Variants in ARHGEF18 observed in about 807,000 individuals in gnomAD.
The protein encoded by ARHGEF18 is rho guanine nucleotide exchange factor 18.
ARHGEF18 carries 93 observed loss-of-function variants against 155.7 expected under a neutral mutation model. The observed-to-expected ratio is 0.60, with a 90% CI of 0.50 to 0.71. ARHGEF18 has a LOEUF of 0.71. Ranked by LOEUF, ARHGEF18 falls within the 30% of genes least tolerant of loss-of-function variation. The probability of loss-of-function intolerance (pLI) is 0.00; values close to 1 mark genes in which losing one functional copy is unlikely to be tolerated. For synonymous variants in ARHGEF18, 742 were observed against 753.1 expected (o/e 0.99, Z 0.24); for missense variants, 1,593 against 1,816.1 (o/e 0.88, Z 2.23).
chr19:7,467,772 C>T (rs2145913488), intron 26 of ARHGEF18, 88 bp downstream of exon 26: 1 of 1,296,230 alleles, frequency 7.7e-7, no homozygotes, highest in Non-Finnish European at 1.0e-6. Context: ...ACAGGGTTCG[C>T]GGGTGCATGC....
chr19:7,421,213 G>A (rs1481515297), intron 10 of ARHGEF18, among the ~76,000 whole-genome samples: 1 of 152,168 alleles, frequency 6.6e-6, no homozygotes, highest in African/African-American at 2.4e-5. Flanking sequence ...TCAGGATTAT[G>A]TCTTTGACTG....
At chr19:7,418,124 C>T (rs1449726644) in intron 10 of ARHGEF18, among the ~76,000 whole-genome samples, 2 of 152,066 alleles carry the variant, frequency 1.3e-5, no homozygotes, top group African/African-American at 2.4e-5. Flanking sequence ...CCAGCAGCTA[C>T]GGAGGAAGTG....
Position 7,444,549 on chromosome 19 carries a change from C to T in ARHGEF18, c.1611+95C>T, listed in dbSNP as rs910202649. Reference sequence around the variant, plus strand: ...TTTCTGAGATAGGGTCTTGCCGTGTCGCCCAGGCTGGAGTGCAGTGGTGCA... The same window carrying T: ...TTTCTGAGATAGGGTCTTGCCGTGTTGCCCAGGCTGGAGTGCAGTGGTGCA... On this transcript the variant is annotated intron_variant, in intron 14 of 28. Transcript: ENST00000668164. This position sits in a 1 kb window ranked among gnomAD's most constrained non-coding sequence, Gnocchi z 4.7. 30 of 1,507,132 alleles carry T rather than the reference C, an allele frequency of 2.0e-5. No individual in the cohort carries two copies. The African/African-American group carries it at 2.9e-4, about 15-fold the overall frequency. 93.4% of individuals were successfully genotyped at this position (1,507,132 alleles called of 1,614,324 possible). A position where few individuals can be genotyped will look rare whatever the true frequency, so the allele number is the denominator to read the frequency against.
chr19:7,446,468 C>T (rs1016323196), intron 14 of ARHGEF18, among the ~76,000 whole-genome samples: 1 of 151,982 alleles, frequency 6.6e-6, no homozygotes, highest in Non-Finnish European at 1.5e-5. Context: ...GCTGGCCAGG[C>T]GCGGTGGCTC....
rs1568335649 is a variant in ARHGEF18, at chr19:7,440,077, CG to C, written c.968-264del. The C allele has an allele frequency of 3.2e-6, 5 of 1,550,498 alleles. No homozygotes were observed. The highest frequency in any genetic ancestry group is 1.7e-4 in the Middle Eastern group (1 of 5,860). Reference sequence around the variant, plus strand: ...GGCGCAGCCCAGCCTGGCGCCGCGCCGGGTCCCGGAGCCCCGGGCGCGAACA... The same window carrying C: ...GGCGCAGCCCAGCCTGGCGCCGCGCCGGTCCCGGAGCCCCGGGCGCGAACA... On this transcript the variant is annotated intron_variant, in intron 10 of 28. Transcript: ENST00000668164. This position sits in a 1 kb window ranked among gnomAD's most constrained non-coding sequence, Gnocchi z 5.4.
chr19:7,442,104 T>C, intron 13 of ARHGEF18, 52 bp downstream of exon 13: 1 of 1,591,998 alleles, frequency 6.3e-7, no homozygotes, highest in Non-Finnish European at 8.6e-7. Flanking sequence ...CTCTCTTCTC[T>C]GCTCCCTCCC....
chr19:7,415,442 A>G (rs1222281917), intron 10 of ARHGEF18, among the ~76,000 whole-genome samples: 1 of 151,032 alleles, frequency 6.6e-6, no homozygotes, highest in Non-Finnish European at 1.5e-5. Flanking sequence ...AACCCCTTCC[A>G]GTGTGCCCTG....
intron 10 of ARHGEF18, among the ~76,000 whole-genome samples, chr19:7,404,457 CTT>C (rs35583640): frequency 1.1e-3 from 122 of 115,278 alleles, no homozygotes; most frequent in Admixed American, 3.3e-3. Flanking sequence ...GGATCTCTCT[CTT>C]TTTTTTTTTT....
chr19:7,361,134 C>T (rs1437668787), intron 1 of ARHGEF18, among the ~76,000 whole-genome samples: 1 of 152,206 alleles, frequency 6.6e-6, no homozygotes, highest in Non-Finnish European at 1.5e-5. Flanking sequence ...CCATTTAAAG[C>T]ATACAATTCA....
In ARHGEF18 at chr19:7,462,500, G is replaced by A. The variant is rs1600531898; in HGVS notation, c.2635+166G>A. Among the ~76,000 whole-genome samples, 1 of 152,230 alleles carries A rather than the reference G, an allele frequency of 6.6e-6. No homozygotes were observed. The highest frequency in any genetic ancestry group is 2.4e-5 in the African/African-American group (1 of 41,466). On this transcript the variant is annotated intron_variant, in intron 21 of 28. Transcript: ENST00000668164. The surrounding 1 kb of genome is among the most constrained non-coding windows in gnomAD (Gnocchi z 4.4). ...CAGCACTGACCGCCCCCCGGTGCCT[G>A]TGAGAGCCAGAAGGGCCTTAGACAT...
At position 7,467,535 on chromosome 19, in the gene ARHGEF18, C is replaced by A. The variant is rs1170142107; in HGVS notation, c.3331C>A (p.Arg1111Ser). The change falls in exon 26 of 29, where the codon CGC (arginine) becomes AGC (serine). Residue 1111 changes from arginine to serine, a missense_variant. Physicochemically the swap from Arg to Ser is moderately radical, Grantham distance 110 (BLOSUM62 -1). Coordinates refer to ENST00000668164, the MANE Select transcript of ARHGEF18 (RefSeq NM_001367823.1). ...RLEQERAELE[R>S]QRQAYQHDLE... ...GGAGCAGGAGCGGGCCGAGCTGGAG[C>A]GCCAGCGCCAGGCCTACCAGCACGA... is the stretch of plus-strand genomic sequence containing the variant. The A allele has an allele frequency of 4.1e-6, 6 of 1,446,146 alleles. No individual in the cohort carries two copies. In the South Asian group the frequency reaches 8.3e-5, roughly 20 times the overall value. The allele number at this position is 1,446,146 out of a possible 1,614,324, so 89.6% of individuals were successfully genotyped here. A position where few individuals can be genotyped will look rare whatever the true frequency, so the allele number is the denominator to read the frequency against.
At chr19:7,420,701 G>T (rs1444640892) in intron 10 of ARHGEF18, among the ~76,000 whole-genome samples, 1 of 152,208 alleles carries the variant, frequency 6.6e-6, no homozygotes, top group Non-Finnish European at 1.5e-5. Context: ...AACTTTGATG[G>T]CAGGCAGCGA....
rs1331643276 is a variant in ARHGEF18 at position 7,463,516 on chromosome 19, C to G, written c.2636-302C>G. Among the ~76,000 whole-genome samples, 3 of 152,358 alleles carry G rather than the reference C, an allele frequency of 2.0e-5. No homozygotes were observed. The East Asian group carries it at 5.8e-4, about 29-fold the overall frequency. On this transcript the variant is annotated intron_variant, in intron 21 of 28. Coordinates refer to ENST00000668164, the MANE Select transcript of ARHGEF18 (RefSeq NM_001367823.1). The surrounding 1 kb of genome is among the most constrained non-coding windows in gnomAD (Gnocchi z 5.2). Reference sequence around the variant, plus strand: ...CAGGGCCACATCCAGCATTCGCCAGCCCCTGGCCCAGGGCGGCCTGGTGGA... The same window carrying G: ...CAGGGCCACATCCAGCATTCGCCAGGCCCTGGCCCAGGGCGGCCTGGTGGA...
intron 7 of ARHGEF18, among the ~76,000 whole-genome samples, chr19:7,379,721 A>G (rs905839474): frequency 2.0e-5 from 3 of 152,164 alleles, no homozygotes; most frequent in African/African-American, 7.2e-5. Flanking sequence ...AGACACTGCC[A>G]TCTGTTACAA....
downstream of ARHGEF18, among the ~76,000 whole-genome samples, chr19:7,475,139 A>AG (rs1278493101): frequency 3.3e-5 from 5 of 152,128 alleles, no homozygotes; most frequent in Non-Finnish European, 5.9e-5. Context: ...AGGCTGAGGC[A>AG]GAGAATTGCT....
At position 7,462,332 on chromosome 19, in the gene ARHGEF18, A is replaced by G; in HGVS notation, c.2633A>G (p.Glu878Gly). Residue 878 changes from glutamate to glycine, a missense_variant and splice_region_variant, in exon 21 of 29, where the codon GAG becomes GGG. By Grantham distance (98) the Glu-to-Gly change is moderately conservative. Transcript: ENST00000668164. The surrounding 1 kb of genome is among the most constrained non-coding windows in gnomAD (Gnocchi z 4.4). ...GELILKSAMS[E>G]IEGIQSLICR... ...CTAATTCTCAAGTCGGCCATGAGCGAGAGTAAGTTGGCTGCCCACACCTCA... is the reference window on the plus strand; with the variant it reads ...CTAATTCTCAAGTCGGCCATGAGCGGGAGTAAGTTGGCTGCCCACACCTCA... 6.3e-7 allele frequency: 1 copy of G among 1,586,320 alleles called. No individual in the cohort carries two copies. The highest frequency in any genetic ancestry group is 8.6e-7 in the Non-Finnish European group (1 of 1,167,144).
rs138824526 is a variant in ARHGEF18, at chr19:7,453,511, A to G, written c.1900A>G (p.Ile634Val). 2.3e-4 allele frequency: 372 copies of G among 1,613,676 alleles called. 1 individual carries two copies. The highest frequency in any genetic ancestry group is 2.9e-4 in the Non-Finnish European group (345 of 1,179,690). ...YEDLTQALNL[I>V]KDIISQVDAK... Reference sequence around the variant, plus strand: ...AGACCTGACCCAGGCCTTGAACCTCATCAAAGATATCATCTCACAAGTGGA... The same window carrying G: ...AGACCTGACCCAGGCCTTGAACCTCGTCAAAGATATCATCTCACAAGTGGA... The change falls in exon 17 of 29, where the codon ATC (isoleucine) becomes GTC (valine). Residue 634 changes from isoleucine to valine, a missense_variant. By Grantham distance (29) the Ile-to-Val change is conservative. Transcript: ENST00000668164.
chr19:7,362,163 GAA>G (rs1969636577), intron 1 of ARHGEF18, among the ~76,000 whole-genome samples: 2 of 37,460 alleles, frequency 5.3e-5, no homozygotes, highest in Admixed American at 5.6e-4. Context: ...AGGAGGAGAA[GAA>G]GGAGAAGAAG....
chr19:7,451,371 G>T, intron 16 of ARHGEF18, 105 bp downstream of exon 16: 20 of 845,488 alleles, frequency 2.4e-5, no homozygotes, highest in Non-Finnish European at 2.7e-5. Flanking sequence ...AATTCCCTTT[G>T]AAATCCAGTT....
Sources: gnomAD v4.1 joint callset for allele counts (sites outside exome capture counted in the v4.1 genomes callset) on GRCh38, gnomAD v4.1.1 for gene constraint, Gnocchi (gnomAD v3.1) non-coding constraint, MANE v1.5 for transcripts, NCBI Gene and HGNC (gene_info 2026-07-23, HGNC 2026-07-21) for gene names.